The following CTNND2 variants were observed in gnomAD, a reference collection of about 807,000 sequenced individuals.
CTNND2 encodes catenin delta 2.
A neutral mutation model predicts 144.4 loss-of-function variants in CTNND2; 22 were observed. That is an observed-to-expected ratio of 0.15 (90% CI 0.11 to 0.22). The LOEUF (loss-of-function observed/expected upper bound fraction) is 0.22, where lower values mean the gene tolerates loss of function less well. Among genes scored for constraint, CTNND2 ranks in the 10% least tolerant of loss-of-function variants. The pLI is 1.00. For synonymous variants in CTNND2, 751 were observed against 695.6 expected (o/e 1.08, Z -1.25); for missense variants, 1,353 against 1,618.8 (o/e 0.84, Z 2.82).
intron 3 of CTNND2, among the ~76,000 whole-genome samples, chr5:11,532,600 T>A (rs566926029): frequency 4.6e-5 from 7 of 152,236 alleles, no homozygotes; most frequent in Middle Eastern, 3.4e-3. Context: ...TATGAATAAA[T>A]CGGGCAACTC....
At chr5:11,543,574 C>T (rs1774949332) in intron 3 of CTNND2, among the ~76,000 whole-genome samples, 1 of 151,468 alleles carries the variant, frequency 6.6e-6, no homozygotes, top group East Asian at 1.9e-4. Flanking sequence ...ACTAAAACCA[C>T]TGAATTTTAC....
At chr5:11,648,248 T>A (rs1316662567) in intron 2 of CTNND2, among the ~76,000 whole-genome samples, 1 of 150,220 alleles carries the variant, frequency 6.7e-6, no homozygotes, top group Non-Finnish European at 1.5e-5. Flanking sequence ...GCTACCAAGA[T>A]AAACTGAACT....
intron 10 of CTNND2, among the ~76,000 whole-genome samples, chr5:11,220,992 G>A (rs1459997101): frequency 6.6e-6 from 1 of 152,176 alleles, no homozygotes; most frequent in African/African-American, 2.4e-5. Context: ...TCATGCAAGA[G>A]GCAAATTAAT....
intron 9 of CTNND2, among the ~76,000 whole-genome samples, chr5:11,344,260 C>T (rs1362271115): frequency 5.3e-5 from 8 of 152,158 alleles, no homozygotes; most frequent in Middle Eastern, 3.4e-3. Context: ...GGCGCGGTGG[C>T]GGGCGCCTGT....
At chr5:11,718,693 T>G (rs749616306) in intron 2 of CTNND2, among the ~76,000 whole-genome samples, 4 of 152,170 alleles carry the variant, frequency 2.6e-5, no homozygotes, top group Non-Finnish European at 4.4e-5. Context: ...TGTAACATGT[T>G]GAAGTGTTAT....
chr5:11,354,856 C>G (rs1755696906), intron 8 of CTNND2, among the ~76,000 whole-genome samples: 2 of 152,126 alleles, frequency 1.3e-5, no homozygotes, highest in Admixed American at 1.3e-4. Context: ...TGGCCACAAA[C>G]AAGTCTTAAC....
chr5:11,258,490 C>G (rs1336952284), intron 9 of CTNND2, among the ~76,000 whole-genome samples: 1 of 152,242 alleles, frequency 6.6e-6, no homozygotes, highest in African/African-American at 2.4e-5. Context: ...CTTACAAAAG[C>G]TGAAAAAGAC....
intron 3 of CTNND2, among the ~76,000 whole-genome samples, chr5:11,428,090 C>T (rs1365666052): frequency 6.6e-6 from 1 of 152,082 alleles, no homozygotes; most frequent in Non-Finnish European, 1.5e-5. Context: ...AAAAGACCGC[C>T]CCCATGATTC....
chr5:11,694,434 AAAAAAGAAAAAAAG>A (rs1183466697), intron 2 of CTNND2, among the ~76,000 whole-genome samples: 1 of 150,926 alleles, frequency 6.6e-6, no homozygotes, highest in Non-Finnish European at 1.5e-5. Flanking sequence ...TCTCAAAAAA[AAAAAAGAAAAAAAG>A]AAAATGAAAA....
At chr5:11,287,388 T>A (rs1364130103) in intron 9 of CTNND2, among the ~76,000 whole-genome samples, 1 of 152,202 alleles carries the variant, frequency 6.6e-6, no homozygotes, top group East Asian at 1.9e-4. Context: ...TGACCTACCC[T>A]GCAGATTTTG....
At chr5:11,869,614 G>A in intron 1 of CTNND2, among the ~76,000 whole-genome samples, 1 of 152,152 alleles carries the variant, frequency 6.6e-6, no homozygotes, top group South Asian at 2.1e-4. Context: ...GTACAGAGCT[G>A]CTATTCGAAA....
chr5:11,775,521 A>G (rs1287121763), intron 1 of CTNND2, among the ~76,000 whole-genome samples: 1 of 152,166 alleles, frequency 6.6e-6, no homozygotes, highest in East Asian at 1.9e-4. Context: ...ATATCACTTT[A>G]TCTTGTCAAG....
intron 2 of CTNND2, among the ~76,000 whole-genome samples, chr5:11,573,800 G>A (rs534954397): frequency 5.9e-5 from 9 of 152,094 alleles, no homozygotes; most frequent in South Asian, 4.2e-4. Flanking sequence ...AAAATATAAC[G>A]AAACACCTCT....
At chr5:11,251,439 A>G (rs561456432) in intron 9 of CTNND2, among the ~76,000 whole-genome samples, 1 of 152,332 alleles carries the variant, frequency 6.6e-6, no homozygotes, top group African/African-American at 2.4e-5. Flanking sequence ...ACCTCTGAAA[A>G]TCCTGGTATG....
At chr5:11,713,874 T>G (rs2126699830) in intron 2 of CTNND2, among the ~76,000 whole-genome samples, 1 of 152,262 alleles carries the variant, frequency 6.6e-6, no homozygotes, top group African/African-American at 2.4e-5. Flanking sequence ...CCATCTTTAG[T>G]GATCAAGGCT....
chr5:11,525,014 C>T (rs1773102465), intron 3 of CTNND2, among the ~76,000 whole-genome samples: 1 of 152,140 alleles, frequency 6.6e-6, no homozygotes, highest in Non-Finnish European at 1.5e-5. Flanking sequence ...ATTTAACTAA[C>T]TTTTACTAAT....
At chr5:11,879,381 A>ATATATG (rs1735860498) in intron 1 of CTNND2, among the ~76,000 whole-genome samples, 1 of 145,410 alleles carries the variant, frequency 6.9e-6, no homozygotes, top group African/African-American at 2.5e-5. Context: ...ACACAAACAT[A>ATATATG]TACATACATA....
chr5:11,884,371 G>A (rs527736748), intron 1 of CTNND2, among the ~76,000 whole-genome samples: 4 of 152,162 alleles, frequency 2.6e-5, no homozygotes, highest in African/African-American at 4.8e-5. Flanking sequence ...CAAGGAAGGG[G>A]TCCAGTTTCA....
At chr5:11,593,617 G>C (rs1325906794) in intron 2 of CTNND2, among the ~76,000 whole-genome samples, 1 of 152,126 alleles carries the variant, frequency 6.6e-6, no homozygotes, top group Non-Finnish European at 1.5e-5. Context: ...CAGGAGATCT[G>C]CTGGTTTTAT....
Sources: gnomAD v4.1 joint callset for allele counts (sites outside exome capture counted in the v4.1 genomes callset) on GRCh38, gnomAD v4.1.1 for gene constraint, MANE v1.5 for transcripts, NCBI Gene and HGNC (gene_info 2026-07-23, HGNC 2026-07-21) for gene names.